CACNB4: variants seen among roughly 807,000 people sequenced by gnomAD.
CACNB4 encodes calcium voltage-gated channel auxiliary subunit beta 4.
CACNB4 carries 32 observed loss-of-function variants against 71.2 expected under a neutral mutation model. That is an observed-to-expected ratio of 0.45 (90% confidence interval 0.34 to 0.60). CACNB4 has a LOEUF of 0.60. Ranked by LOEUF, CACNB4 falls within the 20% of genes least tolerant of loss-of-function variation. The pLI, the probability that CACNB4 is intolerant of heterozygous loss-of-function variation, is 0.01. For missense variants in CACNB4, 464 were observed against 647.9 expected, an observed-to-expected ratio of 0.72 and a Z score of 3.08; for synonymous variants, 231 against 236.9, an observed-to-expected ratio of 0.97 and a Z score of 0.23.
chr2:152,032,288 C>T (rs1247060616), intron 2 of CACNB4, among the ~76,000 whole-genome samples: 1 of 152,140 alleles, frequency 6.6e-6, no homozygotes, highest in Non-Finnish European at 1.5e-5. Context: ...CTGACCCAGG[C>T]CACACAGCCA....
chr2:152,065,329 G>A (rs1180748042), intron 2 of CACNB4, among the ~76,000 whole-genome samples: 1 of 151,442 alleles, frequency 6.6e-6, no homozygotes, highest in Non-Finnish European at 1.5e-5. Context: ...GTTGCAGTGA[G>A]CCAAGATTGT....
chr2:152,085,120 C>T (rs767503126), intron 2 of CACNB4, among the ~76,000 whole-genome samples: 4 of 151,978 alleles, frequency 2.6e-5, no homozygotes, highest in Non-Finnish European at 5.9e-5. Flanking sequence ...ATGGGGAAAG[C>T]ACTTTAAGGT....
At position 151,839,178 on chromosome 2, in the gene CACNB4, G is replaced by T. The variant is rs777642049; in HGVS notation, c.1504C>A (p.Pro502Thr). Residue 502 changes from proline (P) to threonine (T), a missense_variant, in exon 14 of 14, where the codon CCC becomes ACC. Coordinates refer to ENST00000539935, the MANE Select transcript of CACNB4 (RefSeq NM_000726.5). The part of the protein sequence containing the change: ...YPDSYQDTYK[P>T]HRNRGSPGGY... ...CCAGGTGATCCTCGGTTCCTATGGG[G>T]TTTGTAAGTGTCCTGGTATGAGTCA... 6.2e-7 allele frequency: 1 copy of T among 1,613,530 alleles called. No individual in the cohort carries two copies. The highest frequency in any genetic ancestry group is 8.5e-7 in the Non-Finnish European group (1 of 1,179,494).
At chr2:151,962,721 G>C (rs1208693287) in intron 2 of CACNB4, 2 of 152,118 alleles carry the variant, frequency 1.3e-5, no homozygotes, top group Non-Finnish European at 2.9e-5. Context: ...AAGTTTTATG[G>C]GTGTATTATC....
chr2:152,018,859 T>C (rs1406372675), intron 2 of CACNB4, among the ~76,000 whole-genome samples: 1 of 146,494 alleles, frequency 6.8e-6, no homozygotes, highest in Admixed American at 6.8e-5. Flanking sequence ...ATCAAATATT[T>C]GAGGAAACTT....
At chr2:151,871,324 G>C (rs1420364038) in intron 6 of CACNB4, 2 of 154,874 alleles carry the variant, frequency 1.3e-5, no homozygotes, top group Non-Finnish European at 2.9e-5. Flanking sequence ...CAGTCCCTTG[G>C]GCATTTTTGC....
Position 152,095,932 on chromosome 2 carries a change from C to T in CACNB4, c.147+2398G>A, listed in dbSNP as rs917435361. On this transcript the variant is annotated intron_variant, in intron 2 of 13. Coordinates refer to ENST00000539935, the MANE Select transcript of CACNB4 (RefSeq NM_000726.5). ...CCTCCCAAAGTGCTGGGATTACAGGCGTGAGCCACTGTGACCAGCCCAAGG... is the reference window on the plus strand; with the variant it reads ...CCTCCCAAAGTGCTGGGATTACAGGTGTGAGCCACTGTGACCAGCCCAAGG... Among the ~76,000 whole-genome samples the T allele has an allele frequency of 3.9e-5, 6 of 152,046 alleles. No individual in the cohort carries two copies. In the East Asian group the frequency reaches 1.2e-3, roughly 29 times the overall value.
intron 2 of CACNB4, among the ~76,000 whole-genome samples, chr2:151,917,434 T>C (rs2099857805): frequency 6.6e-6 from 1 of 152,220 alleles, no homozygotes; most frequent in East Asian, 1.9e-4. Context: ...CCACACAGGA[T>C]TGTGGACTAA....
At chr2:152,040,654 C>A (rs544735517) in intron 2 of CACNB4, among the ~76,000 whole-genome samples, 1 of 152,158 alleles carries the variant, frequency 6.6e-6, no homozygotes, top group Admixed American at 6.5e-5. Context: ...GTTGACCAGG[C>A]TGGTTTGAAC....
At chr2:152,035,630 CCTCTCT>C (rs369495604) in intron 2 of CACNB4, among the ~76,000 whole-genome samples, 2 of 93,288 alleles carry the variant, frequency 2.1e-5, no homozygotes, top group African/African-American at 8.7e-5. Context: ...CCTCCCTCTC[CCTCTCT>C]CTCTCTCTCT....
At chr2:151,922,543 T>A (rs937377576) in intron 2 of CACNB4, among the ~76,000 whole-genome samples, 20 of 152,328 alleles carry the variant, frequency 1.3e-4, no homozygotes, top group African/African-American at 4.8e-4. Flanking sequence ...AAACCCAACA[T>A]ATTCACAGAT....
intron 2 of CACNB4, among the ~76,000 whole-genome samples, chr2:152,025,263 GA>G (rs1683900608): frequency 6.6e-6 from 1 of 152,092 alleles, no homozygotes; most frequent in South Asian, 2.1e-4. Flanking sequence ...TAGCTTTCCT[GA>G]AAACAGGAAA....
intron 2 of CACNB4, among the ~76,000 whole-genome samples, chr2:152,006,719 A>G (rs2151788959): frequency 6.6e-6 from 1 of 152,198 alleles, no homozygotes; most frequent in African/African-American, 2.4e-5. Context: ...TCTGGGATTG[A>G]AAGCCTTTCA....
intron 6 of CACNB4, 58 bp from the exon 7 acceptor site, chr2:151,870,919 A>G (rs192290701): frequency 8.5e-6 from 11 of 1,295,652 alleles, no homozygotes; most frequent in Admixed American, 4.0e-5. Context: ...ATGACAGTAC[A>G]TGAGTTTAAA....
intron 7 of CACNB4, 109 bp from the exon 8 acceptor site, chr2:151,870,720 A>G (rs1578551132): frequency 1.6e-6 from 2 of 1,247,456 alleles, no homozygotes; most frequent in Non-Finnish European, 2.3e-6. Flanking sequence ...AATGATTATC[A>G]AAGTCCCCAC....
chr2:151,872,255 T>C (rs1218595053), intron 6 of CACNB4, 162 bp downstream of exon 6: 1 of 599,506 alleles, frequency 1.7e-6, no homozygotes, highest in Non-Finnish European at 2.9e-6. Context: ...TTAAATGAAA[T>C]CAAATTACCA....
At chr2:151,873,163 C>T (rs1559905536) in intron 5 of CACNB4, 1 of 152,150 alleles carries the variant, frequency 6.6e-6, no homozygotes, top group Non-Finnish European at 1.5e-5. Flanking sequence ...TTGTACATCC[C>T]TGTTTTGGAA....
At chr2:151,945,190 A>G (rs892328432) in intron 2 of CACNB4, among the ~76,000 whole-genome samples, 2 of 152,224 alleles carry the variant, frequency 1.3e-5, no homozygotes, top group African/African-American at 4.8e-5. Flanking sequence ...TCAAAAGGAA[A>G]GCTATCTGGG....
chr2:152,091,534 C>G (rs921745182), intron 2 of CACNB4, among the ~76,000 whole-genome samples: 5 of 152,070 alleles, frequency 3.3e-5, no homozygotes, highest in African/African-American at 1.2e-4. Flanking sequence ...ACTTGGGAGG[C>G]TGAGGCAGGA....
Sources: allele counts gnomAD v4.1 joint callset (sites outside exome capture counted in the v4.1 genomes callset), GRCh38; gene constraint gnomAD v4.1.1; transcripts MANE v1.5; gene names NCBI Gene and HGNC (gene_info 2026-07-23, HGNC 2026-07-21).